The following NSUN4 variants were observed in gnomAD, a reference collection of about 807,000 sequenced individuals.
The protein encoded by NSUN4 is NOP2/Sun RNA methyltransferase 4, also known as 5-cytosine rRNA methyltransferase NSUN4.
NSUN4 carries 31 observed loss-of-function variants against 43.8 expected under a neutral mutation model. The ratio of observed to expected loss-of-function variants is 0.71; its 90% CI spans 0.53 to 0.96. NSUN4 has a LOEUF of 0.96. Among genes scored for constraint, NSUN4 ranks in the 40% least tolerant of loss-of-function variants. The pLI, the probability that NSUN4 is intolerant of heterozygous loss-of-function variation, is 0.00. For missense variants in NSUN4, 439 were observed against 475.6 expected, an observed-to-expected ratio of 0.92 and a Z score of 0.72; for synonymous variants, 167 against 184.1, an observed-to-expected ratio of 0.91 and a Z score of 0.75.
At chr1:46,366,704 CA>C (rs34437222), downstream of NSUN4, among the ~76,000 whole-genome samples, 347 of 59,402 alleles carry the variant, frequency 5.8e-3, no homozygotes, top group African/African-American at 0.016. Flanking sequence ...ACTAAAAATA[CA>C]AAAAAAAAAA....
chr1:46,381,062 C>G, the NSUN4 span, among the ~76,000 whole-genome samples: 1 of 152,070 alleles, frequency 6.6e-6, no homozygotes, highest in Non-Finnish European at 1.5e-5. Context: ...CTAGCTAGTT[C>G]TACTCTACAG....
chr1:46,384,452 T>C, the NSUN4 span, among the ~76,000 whole-genome samples: 34,089 of 152,092 alleles, frequency 0.22, 4,290 homozygotes, highest in Non-Finnish European at 0.29. Context: ...ACACAGCACC[T>C]GATAAGAATA....
chr1:46,356,039 T>C (rs1663345773), intron 4 of NSUN4, among the ~76,000 whole-genome samples: 1 of 151,670 alleles, frequency 6.6e-6, no homozygotes, highest in African/African-American at 2.4e-5. Flanking sequence ...ACTAGTTGTG[T>C]ACAATATACT....
rs374985508 is a variant in NSUN4 at position 46,354,288 on chromosome 1, G to A, written c.753+1260G>A. On this transcript the variant is annotated intron_variant, in intron 4 of 5. Transcript: ENST00000474844. ...CCAGCAAATGATTTTTTGTAGAGAC[G>A]GGGTCTCACTATGTTGCCCAGGCTG... Among the ~76,000 whole-genome samples the A allele has an allele frequency of 6.1e-4, 92 of 151,944 alleles. 1 individual carries two copies. Among genetic ancestry groups the A allele is most frequent in the African/African-American group, 2.1e-3 (89 of 41,468 alleles).
the NSUN4 span, among the ~76,000 whole-genome samples, chr1:46,371,239 T>C: frequency 2.0e-5 from 3 of 151,368 alleles, no homozygotes; most frequent in African/African-American, 7.3e-5. Flanking sequence ...GCAATTATCC[T>C]GCCTCAGCCT....
chr1:46,351,295 C>T (rs1166906479), intron 3 of NSUN4, among the ~76,000 whole-genome samples: 1 of 152,006 alleles, frequency 6.6e-6, no homozygotes, highest in Non-Finnish European at 1.5e-5. Context: ...ACCCGGGAGG[C>T]GGAGGTTATG....
Position 46,340,920 on chromosome 1 carries a change from G to A in NSUN4, c.93+1G>A, listed in dbSNP as rs1359304322. ...GAGACATCGATATAAGAAGAAATGG[G>A]TAAGGTCCGGCTGGGGGCGCAGGAG... On this transcript the variant is annotated splice_donor_variant, in intron 1 of 5. Transcript: ENST00000474844. LOFTEE classifies it high-confidence loss of function. 3 of 1,611,470 alleles carry A rather than the reference G, an allele frequency of 1.9e-6. No individual in the cohort carries two copies. Among genetic ancestry groups the A allele is most frequent in the African/African-American group, 1.3e-5 (1 of 74,842 alleles).
the NSUN4 span, among the ~76,000 whole-genome samples, chr1:46,375,730 C>T: frequency 1.3e-5 from 1 of 74,884 alleles, no homozygotes; most frequent in South Asian, 5.3e-4. Context: ...GAATGAGACT[C>T]TGTCTCAAAA....
chr1:46,340,946 G>A (rs755825761), intron 1 of NSUN4, 27 bp downstream of exon 1: 34 of 1,579,242 alleles, frequency 2.2e-5, no homozygotes, highest in Admixed American at 3.5e-5. Flanking sequence ...GGCGCAGGAG[G>A]GAAAAGTGAG....
chr1:46,375,431 T>C, the NSUN4 span, among the ~76,000 whole-genome samples: 1 of 129,562 alleles, frequency 7.7e-6, no homozygotes, highest in South Asian at 3.0e-4. Context: ...GCAAAACTCG[T>C]TCTCAAAAAA....
chr1:46,361,658 G>A lies in NSUN4; in HGVS notation c.967G>A (p.Gly323Ser). The A allele has an allele frequency of 6.2e-7, 1 of 1,614,200 alleles. No individual in the cohort carries two copies. The highest frequency in any genetic ancestry group is 8.5e-7 in the Non-Finnish European group (1 of 1,180,030). Reference sequence around the variant, plus strand: ...CTTACAGAACGAGTATGTGGTGCAAGGTGCCATTGAGCTCCTGGCCAATCA... The same window carrying A: ...CTTACAGAACGAGTATGTGGTGCAAAGTGCCATTGAGCTCCTGGCCAATCA... ...SHLQNEYVVQ[G>S]AIELLANQYS... is the part of the protein sequence containing the mutation. Residue 323 changes from glycine (G) to serine (S), a missense_variant, in exon 6 of 6, where the codon GGT becomes AGT. Coordinates refer to ENST00000474844, the MANE Select transcript of NSUN4 (RefSeq NM_199044.4).
rs1165481393 is a variant in NSUN4, at chr1:46,360,721, C to G, written c.771C>G (p.Pro257=). The G allele has an allele frequency of 6.2e-7, 1 of 1,613,920 alleles. No homozygotes were observed. The highest frequency in any genetic ancestry group is 1.3e-5 in the African/African-American group (1 of 75,050). ...DTYDRVLVDV[P]CTTDRHSLHE... is the part of the protein sequence containing the mutation. ...CTGGGTAGGTGCTGGTGGATGTGCC[C>G]TGTACCACAGACCGCCACTCCCTTC... Residue 257 remains proline (P), a synonymous_variant, in exon 5 of 6, where the codon CCC becomes CCG. Coordinates refer to ENST00000474844, the MANE Select transcript of NSUN4 (RefSeq NM_199044.4).
intron 4 of NSUN4, among the ~76,000 whole-genome samples, chr1:46,359,440 C>T (rs558985268): frequency 2.0e-5 from 3 of 151,268 alleles, no homozygotes; most frequent in East Asian, 2.0e-4. Flanking sequence ...AGTGCAGTGG[C>T]GCGGTCTTGG....
chr1:46,375,076 G>C, the NSUN4 span, among the ~76,000 whole-genome samples: 1 of 152,034 alleles, frequency 6.6e-6, no homozygotes, highest in African/African-American at 2.4e-5. Flanking sequence ...TAGTTTATTT[G>C]AACAATCAAC....
At chr1:46,383,751 G>A in the NSUN4 span, among the ~76,000 whole-genome samples, 24 of 152,260 alleles carry the variant, frequency 1.6e-4, 1 homozygote, top group Middle Eastern at 0.024. Context: ...CACCGTGCCC[G>A]GCCAGGCTGG....
In NSUN4 at chr1:46,352,931, G is replaced by T. The variant is rs757951508; in HGVS notation, c.656G>T (p.Ser219Ile). ...RIARLQKILH[S>I]YVPEEIRDGN... Reference sequence around the variant, plus strand: ...GCCAGACTACAGAAGATCCTTCACAGCTATGTGCCTGAAGAGATCAGGGAT... The same window carrying T: ...GCCAGACTACAGAAGATCCTTCACATCTATGTGCCTGAAGAGATCAGGGAT... Residue 219 changes from serine (S) to isoleucine (I), a missense_variant, in exon 4 of 6, where the codon AGC (serine) becomes ATC (isoleucine). Ser to Ile is a moderately radical substitution (Grantham distance 142). Transcript: ENST00000474844. The T allele has an allele frequency of 1.9e-6, 3 of 1,614,000 alleles. No homozygotes were observed. In the African/African-American group the frequency reaches 4.0e-5, roughly 22 times the overall value.
At chr1:46,351,256 C>T (rs1812705) in intron 3 of NSUN4, among the ~76,000 whole-genome samples, 34,978 of 152,032 alleles carry the variant, frequency 0.23, 4,450 homozygotes, top group Non-Finnish European at 0.29. Context: ...CCCAGCTACT[C>T]GGGAGGCTGA....
chr1:46,354,109 A>G (rs1167637014), intron 4 of NSUN4, among the ~76,000 whole-genome samples: 1 of 138,140 alleles, frequency 7.2e-6, no homozygotes, highest in Non-Finnish European at 1.7e-5. Flanking sequence ...ATTTTTTTAA[A>G]GTTTTTTTTT....
At position 46,362,880 on chromosome 1, in the gene NSUN4, A is replaced by G. The variant is rs1330190170; in HGVS notation, c.*1034A>G. On this transcript the variant is annotated 3_prime_UTR_variant, in exon 6 of 6. Transcript: ENST00000474844. ...CAAGATTTCATCATTTACTGACTGCATACTCGATATGTTGTTTTTGTAACT... is the reference window on the plus strand; with the variant it reads ...CAAGATTTCATCATTTACTGACTGCGTACTCGATATGTTGTTTTTGTAACT... 1 of 152,110 alleles carries G rather than the reference A, an allele frequency of 6.6e-6. No individual in the cohort carries two copies. Among genetic ancestry groups the G allele is most frequent in the Non-Finnish European group, 1.5e-5 (1 of 68,020 alleles). The allele number at this position is 152,110 out of a possible 1,614,324, so 9.4% of individuals were successfully genotyped here.
Sources: allele counts gnomAD v4.1 joint callset (sites outside exome capture counted in the v4.1 genomes callset), GRCh38; gene constraint gnomAD v4.1.1; transcripts MANE v1.5; gene names NCBI Gene and HGNC (gene_info 2026-07-23, HGNC 2026-07-21).